Variants in ENTPD1 observed in about 807,000 individuals in gnomAD.
The protein encoded by ENTPD1 is ATP diphosphohydrolase.
A neutral mutation model predicts 57.0 loss-of-function variants in ENTPD1; 33 were observed. The observed-to-expected ratio is 0.58, with a 90% CI of 0.44 to 0.77. The LOEUF (loss-of-function observed/expected upper bound fraction) is 0.77. Ranked by LOEUF, ENTPD1 falls within the 30% of genes least tolerant of loss-of-function variation. The pLI, the probability that ENTPD1 is intolerant of heterozygous loss-of-function variation, is 0.00. For missense variants in ENTPD1, 501 were observed against 603.4 expected (o/e 0.83, Z 1.78); for synonymous variants, 202 against 218.8 (o/e 0.92, Z 0.68).
At chr10:95,824,234 T>G (rs1395087500) in intron 2 of ENTPD1, among the ~76,000 whole-genome samples, 1 of 152,248 alleles carries the variant, frequency 6.6e-6, no homozygotes, top group East Asian at 1.9e-4. Context: ...CTAATATGCA[T>G]GTATGTACAC....
chr10:95,827,556 G>A (rs963367942), intron 2 of ENTPD1, among the ~76,000 whole-genome samples: 1 of 152,110 alleles, frequency 6.6e-6, no homozygotes, highest in African/African-American at 2.4e-5. Context: ...TGCGATCTCA[G>A]CTCACTACAA....
At chr10:95,840,181 A>G (rs987019331) in intron 3 of ENTPD1, among the ~76,000 whole-genome samples, 3 of 152,180 alleles carry the variant, frequency 2.0e-5, no homozygotes, top group Admixed American at 6.5e-5. Context: ...AGGTTATACC[A>G]CTTGTTTGTT....
At chr10:95,838,907 GCTGA>G (rs1301233157) in intron 2 of ENTPD1, among the ~76,000 whole-genome samples, 4 of 151,992 alleles carry the variant, frequency 2.6e-5, no homozygotes, top group Non-Finnish European at 5.9e-5. Flanking sequence ...CTTCTCCTCT[GCTGA>G]CTTTCTTTCC....
At chr10:95,705,817 G>C in the ENTPD1 span, among the ~76,000 whole-genome samples, 1 of 152,192 alleles carries the variant, frequency 6.6e-6, no homozygotes, top group African/African-American at 2.4e-5. Context: ...AATGATAATC[G>C]TGTTGATTTG....
upstream of ENTPD1, among the ~76,000 whole-genome samples, chr10:95,710,632 T>A (rs2097964742): frequency 6.6e-6 from 1 of 152,182 alleles, no homozygotes; most frequent in African/African-American, 2.4e-5. Flanking sequence ...GAAACCTTTT[T>A]AAAAATTTTT....
rs749901920 is a variant in ENTPD1, at chr10:95,767,487, ATAT to A, written c.16+11236_16+11238del. Among the ~76,000 whole-genome samples, 3 of 152,066 alleles carry A rather than the reference ATAT, an allele frequency of 2.0e-5. No homozygotes were observed. The South Asian group carries it at 6.2e-4, about 32-fold the overall frequency. Reference sequence around the variant, plus strand: ...CTTATTTTAAATATTTAATTTGATAATATTATAAATTCAAATAGTAAAAATTAT... The same window carrying A: ...CTTATTTTAAATATTTAATTTGATAATATAAATTCAAATAGTAAAAATTAT... On this transcript the variant is annotated intron_variant, in intron 1 of 9. Transcript: ENST00000371205.
chr10:95,700,182 A>G, the ENTPD1 span, among the ~76,000 whole-genome samples: 2 of 152,266 alleles, frequency 1.3e-5, no homozygotes, highest in African/African-American at 4.8e-5. Flanking sequence ...AGGAGCAATC[A>G]GAATAAGAGA....
chr10:95,722,126 C>G (rs1387561573), intron 1 of ENTPD1, among the ~76,000 whole-genome samples: 1 of 152,088 alleles, frequency 6.6e-6, no homozygotes, highest in African/African-American at 2.4e-5. Context: ...TGCTTTAAGA[C>G]TTGGCTGAGT....
In ENTPD1 at chr10:95,712,890, C is replaced by T. The variant is rs890875320; in HGVS notation, c.37+897C>T. 7.9e-5 allele frequency among the ~76,000 whole-genome samples: 12 copies of T among 152,160 alleles called. No homozygotes were observed. In the East Asian group the frequency reaches 1.7e-3, roughly 22 times the overall value. ...TCTACTAAAAATACAAAAAATTAGC[C>T]GGGTGTGGTGGCGGACGCCTGTAGT... On this transcript the variant is annotated intron_variant, in intron 1 of 9. Coordinates refer to the ENTPD1 transcript ENST00000453258.
At chr10:95,816,596 GA>G (rs1297478023) in intron 1 of ENTPD1, among the ~76,000 whole-genome samples, 4 of 152,144 alleles carry the variant, frequency 2.6e-5, no homozygotes, top group Non-Finnish European at 5.9e-5. Flanking sequence ...AAGGCCATGT[GA>G]AGACAGAGGT....
intron 1 of ENTPD1, among the ~76,000 whole-genome samples, chr10:95,763,447 G>A (rs1189352551): frequency 6.6e-6 from 1 of 151,990 alleles, no homozygotes; most frequent in African/African-American, 2.4e-5. Flanking sequence ...AATTTCTGAG[G>A]TTTCCTTGTA....
intron 1 of ENTPD1, among the ~76,000 whole-genome samples, chr10:95,787,554 T>C (rs1181054903): frequency 6.6e-6 from 1 of 152,022 alleles, no homozygotes; most frequent in Non-Finnish European, 1.5e-5. Flanking sequence ...GAGAAAGACA[T>C]TGTTGTATGA....
chr10:95,764,360 A>G (rs2098079868), intron 1 of ENTPD1, among the ~76,000 whole-genome samples: 1 of 152,228 alleles, frequency 6.6e-6, no homozygotes, highest in Admixed American at 6.5e-5. Context: ...ATTCATGGAC[A>G]AGTGTTGGTG....
At chr10:95,771,887 C>T (rs991603483) in intron 1 of ENTPD1, among the ~76,000 whole-genome samples, 2 of 152,116 alleles carry the variant, frequency 1.3e-5, no homozygotes, top group Non-Finnish European at 2.9e-5. Context: ...TATTTTCTCT[C>T]TAAAATCTTA....
At chr10:95,852,069 C>A (rs1159080521) in intron 7 of ENTPD1, among the ~76,000 whole-genome samples, 1 of 152,182 alleles carries the variant, frequency 6.6e-6, no homozygotes, top group African/African-American at 2.4e-5. Flanking sequence ...GTTCCTATTT[C>A]TCCACATCCT....
chr10:95,869,273 A>G lies in ENTPD1; in HGVS notation c.*2890A>G, dbSNP rs1233221064. 3 of 912,980 alleles carry G rather than the reference A, an allele frequency of 3.3e-6. No homozygotes were observed. The highest frequency in any genetic ancestry group is 1.0e-4 in the Admixed American group (1 of 9,748). 56.6% of individuals were successfully genotyped at this position (912,980 alleles called of 1,614,324 possible). A position where few individuals can be genotyped will look rare whatever the true frequency, so the allele number is the denominator to read the frequency against. On this transcript the variant is annotated 3_prime_UTR_variant, in exon 10 of 10. Transcript: ENST00000371205. ...TTTTTTTTTTTTTTTTTTTTGAGAG[A>G]GAGTCTCACTCCATTGCCCAGGCTG...
intron 1 of ENTPD1, among the ~76,000 whole-genome samples, chr10:95,725,468 A>T (rs941017814): frequency 1.3e-5 from 2 of 151,500 alleles, no homozygotes; most frequent in African/African-American, 2.4e-5. Flanking sequence ...ATTCTGTTTT[A>T]TTTTTCTGAG....
Position 95,876,744 on chromosome 10 carries a change from C to T in ENTPD1, c.*10361C>T. Reference sequence around the variant, plus strand: ...AAAGTAGAAAAATATAATACACATCCATGTGCCCATCACAGAACTTCACTG... The same window carrying T: ...AAAGTAGAAAAATATAATACACATCTATGTGCCCATCACAGAACTTCACTG... On this transcript the variant is annotated 3_prime_UTR_variant, in exon 10 of 10. Coordinates refer to ENST00000371205, the MANE Select transcript of ENTPD1 (RefSeq NM_001776.6). 1 of 846,062 alleles carries T rather than the reference C, an allele frequency of 1.2e-6. No individual in the cohort carries two copies. The highest frequency in any genetic ancestry group is 1.8e-5 in the African/African-American group (1 of 56,806). 52.4% of individuals were successfully genotyped at this position (846,062 alleles called of 1,614,324 possible). A position where few individuals can be genotyped will look rare whatever the true frequency, so the allele number is the denominator to read the frequency against.
At chr10:95,773,269 T>A (rs547892020) in intron 1 of ENTPD1, among the ~76,000 whole-genome samples, 1 of 152,250 alleles carries the variant, frequency 6.6e-6, no homozygotes, top group African/African-American at 2.4e-5. Context: ...AGGAGACAAA[T>A]ATCCAAACCG....
Sources: allele counts gnomAD v4.1 joint callset (sites outside exome capture counted in the v4.1 genomes callset), GRCh38; gene constraint gnomAD v4.1.1; transcripts MANE v1.5; gene names NCBI Gene and HGNC (gene_info 2026-07-23, HGNC 2026-07-21).